The following DLGAP2 variants were observed in gnomAD, a reference collection of about 807,000 sequenced individuals.
DLGAP2 encodes the protein disks large-associated protein 2.
A neutral mutation model predicts 100.3 loss-of-function variants in DLGAP2; 26 were observed. The observed-to-expected ratio is 0.26, with a 90% CI of 0.19 to 0.36. The LOEUF (loss-of-function observed/expected upper bound fraction) is 0.36, where lower values mean the gene tolerates loss of function less well. Ranked by LOEUF, DLGAP2 falls within the 10% of genes least tolerant of loss-of-function variation. The pLI is 1.00. For missense variants in DLGAP2, 1,858 were observed against 1,453.2 expected, an observed-to-expected ratio of 1.28 and a Z score of -4.53; for synonymous variants, 886 against 630.1, an observed-to-expected ratio of 1.41 and a Z score of -6.08.
intron 3 of DLGAP2, among the ~76,000 whole-genome samples, chr8:1,350,647 A>G (rs1198712040): frequency 3.2e-5 from 3 of 92,942 alleles, no homozygotes; most frequent in African/African-American, 1.3e-4. Flanking sequence ...GCGGGTCCTG[A>G]CTGTGCGTGG....
intron 3 of DLGAP2, among the ~76,000 whole-genome samples, chr8:1,349,219 G>C (rs750403207): frequency 1.3e-5 from 2 of 150,984 alleles, no homozygotes; most frequent in Admixed American, 6.6e-5. Flanking sequence ...ATTAAAATGT[G>C]GTATTAATGT....
chr8:1,485,981 C>T (rs759108625), intron 3 of DLGAP2, among the ~76,000 whole-genome samples: 1 of 152,124 alleles, frequency 6.6e-6, no homozygotes, highest in African/African-American at 2.4e-5. Flanking sequence ...GAGCCGAGAT[C>T]GCGCCACTGC....
intron 2 of DLGAP2, among the ~76,000 whole-genome samples, chr8:1,058,518 A>G (rs1264459485): frequency 2.6e-5 from 4 of 152,230 alleles, no homozygotes; most frequent in Non-Finnish European, 4.4e-5. Context: ...GGGCCATGCA[A>G]CAACGTAGCT....
intron 3 of DLGAP2, among the ~76,000 whole-genome samples, chr8:1,363,230 C>T (rs575640095): frequency 9.8e-5 from 15 of 152,348 alleles, no homozygotes; most frequent in South Asian, 4.1e-4. Context: ...CACGAAGGTA[C>T]GGGCAGCACA....
intron 3 of DLGAP2, among the ~76,000 whole-genome samples, chr8:1,416,668 T>G (rs916776818): frequency 6.6e-6 from 1 of 152,078 alleles, no homozygotes; most frequent in Non-Finnish European, 1.5e-5. Context: ...TGTGTTGACA[T>G]TTCAATCCAA....
chr8:1,051,791 C>T (rs959178446), intron 2 of DLGAP2, among the ~76,000 whole-genome samples: 1 of 152,110 alleles, frequency 6.6e-6, no homozygotes. Flanking sequence ...GCTCAGTCAC[C>T]TGCTGAGTCT....
rs1366066046 is a variant in DLGAP2 at position 1,549,632 on chromosome 8, G to A, written c.1179G>A (p.Pro393=). 4 of 1,584,842 alleles carry A rather than the reference G, an allele frequency of 2.5e-6. No individual in the cohort carries two copies. The highest frequency in any genetic ancestry group is 3.4e-6 in the Non-Finnish European group (4 of 1,166,930). ...YRKSSLNLDK[P]LLHQDAKPAL... Reference sequence around the variant, plus strand: ...AGAGCTCGCTGAACCTGGACAAGCCGCTGCTGCACCAGGACGCCAAGCCCG... The same window carrying A: ...AGAGCTCGCTGAACCTGGACAAGCCACTGCTGCACCAGGACGCCAAGCCCG... Residue 393 remains proline, a synonymous_variant, in exon 5 of 15, where the codon CCG becomes CCA. Coordinates refer to ENST00000637795, the MANE Select transcript of DLGAP2 (RefSeq NM_001346810.2).
intron 2 of DLGAP2, among the ~76,000 whole-genome samples, chr8:1,046,836 C>G (rs750990299): frequency 6.6e-6 from 1 of 152,092 alleles, no homozygotes; most frequent in Non-Finnish European, 1.5e-5. Context: ...ACCACAACCC[C>G]CCTTTTTTTT....
intron 2 of DLGAP2, among the ~76,000 whole-genome samples, chr8:922,175 G>A (rs1014707418): frequency 6.6e-6 from 1 of 152,226 alleles, no homozygotes; most frequent in Non-Finnish European, 1.5e-5. Flanking sequence ...GAAGTTGGTG[G>A]AGGCTGTGTA....
intron 2 of DLGAP2, among the ~76,000 whole-genome samples, chr8:925,087 T>C (rs769413127): frequency 6.6e-6 from 1 of 152,120 alleles, no homozygotes; most frequent in Non-Finnish European, 1.5e-5. Flanking sequence ...ATGTTGATAA[T>C]GGTGAAAGTG....
intron 2 of DLGAP2, chr8:1,248,726 G>C (rs976386785): frequency 6.8e-6 from 1 of 146,884 alleles, no homozygotes; most frequent in Non-Finnish European, 1.5e-5. Context: ...AGGGAGTGGC[G>C]GATGCCCCAT....
chr8:1,449,981 A>G (rs1340048253), intron 3 of DLGAP2, among the ~76,000 whole-genome samples: 29 of 37,082 alleles, frequency 7.8e-4, no homozygotes, highest in Admixed American at 2.4e-3. Context: ...TCGGTGACTG[A>G]GGCGGAGCTG....
Position 1,455,808 on chromosome 8 carries a change from C to A in DLGAP2, c.107-45558C>A, listed in dbSNP as rs539767339. ...GTGAGTGTGCGGAAGGCACCACCTC[C>A]TCCCATCAGCAAGGCTGCAGCGTTC... On this transcript the variant is annotated intron_variant, in intron 3 of 14. Coordinates refer to ENST00000637795, the MANE Select transcript of DLGAP2 (RefSeq NM_001346810.2). Among the ~76,000 whole-genome samples, 10 of 152,336 alleles carry A rather than the reference C, an allele frequency of 6.6e-5. No individual in the cohort carries two copies. The East Asian group carries it at 1.7e-3, about 27-fold the overall frequency.
At chr8:1,370,520 C>G (rs376298037) in intron 3 of DLGAP2, among the ~76,000 whole-genome samples, 2 of 152,182 alleles carry the variant, frequency 1.3e-5, no homozygotes, top group African/African-American at 2.4e-5. Flanking sequence ...AGTAACAAGT[C>G]ACATTTCTTT....
intron 2 of DLGAP2, among the ~76,000 whole-genome samples, chr8:1,041,073 G>A (rs914108385): frequency 6.6e-6 from 1 of 152,180 alleles, no homozygotes; most frequent in Non-Finnish European, 1.5e-5. Flanking sequence ...CAGAAATGGT[G>A]CAGACTGCTC....
At chr8:1,543,296 A>C (rs531051370) in intron 4 of DLGAP2, among the ~76,000 whole-genome samples, 2 of 152,206 alleles carry the variant, frequency 1.3e-5, no homozygotes, top group Non-Finnish European at 2.9e-5. Context: ...AAATGCATCT[A>C]TGTTTTCTAC....
chr8:1,066,134 G>A (rs922784501), intron 2 of DLGAP2, among the ~76,000 whole-genome samples: 5 of 151,982 alleles, frequency 3.3e-5, no homozygotes, highest in African/African-American at 9.7e-5. Context: ...AGGTCTGAGC[G>A]AGGACAGCTC....
intron 14 of DLGAP2, among the ~76,000 whole-genome samples, chr8:1,699,021 T>A (rs1015232023): frequency 6.6e-6 from 1 of 152,222 alleles, no homozygotes. Flanking sequence ...ACTAGACAGG[T>A]CCGTGTAAGC....
intron 1 of DLGAP2, among the ~76,000 whole-genome samples, chr8:764,538 T>A (rs1821162683): frequency 6.6e-6 from 1 of 152,248 alleles, no homozygotes. Context: ...GCCCACAGAC[T>A]CTGTGGCTGA....
Sources: allele counts gnomAD v4.1 joint callset (sites outside exome capture counted in the v4.1 genomes callset), GRCh38; gene constraint gnomAD v4.1.1; transcripts MANE v1.5; gene names NCBI Gene and HGNC (gene_info 2026-07-23, HGNC 2026-07-21).